The following ATG7 variants were observed in gnomAD, a reference collection of about 807,000 sequenced individuals.
ATG7 encodes the protein ubiquitin-like modifier-activating enzyme ATG7.
ATG7 carries 70 observed loss-of-function variants against 82.4 expected under a neutral mutation model. That is an observed-to-expected ratio of 0.85 (90% CI 0.70 to 1.04). The LOEUF (loss-of-function observed/expected upper bound fraction) is 1.04. Ranked by LOEUF, ATG7 falls within the 50% of genes least tolerant of loss-of-function variation. ATG7 has a pLI of 0.00. For synonymous variants in ATG7, 287 were observed against 313.0 expected (o/e 0.92, Z 0.88); for missense variants, 792 against 864.3 (o/e 0.92, Z 1.05).
rs1303556859 is a variant in ATG7, at chr3:11,409,716, G to A, written c.1957-17088G>A. On this transcript the variant is annotated intron_variant, in intron 19 of 20. Coordinates refer to ENST00000693202, the MANE Select transcript of ATG7 (RefSeq NM_001349232.2). ...TAGTTTTGTGTTTTATATGTAGGTA[G>A]GTCTGTGATACATTTTGAGTTATTT... 2.0e-5 allele frequency among the ~76,000 whole-genome samples: 3 copies of A among 151,580 alleles called. No individual in the cohort carries two copies. The East Asian group carries it at 5.8e-4, about 29-fold the overall frequency.
At chr3:11,312,533 A>G (rs887029603) in intron 7 of ATG7, among the ~76,000 whole-genome samples, 1 of 152,132 alleles carries the variant, frequency 6.6e-6, no homozygotes, top group Non-Finnish European at 1.5e-5. Flanking sequence ...GAGCCTCTCC[A>G]TGGCTCTAAT....
chr3:11,481,248 G>A (rs1345136083), intron 20 of ATG7, among the ~76,000 whole-genome samples: 1 of 152,200 alleles, frequency 6.6e-6, no homozygotes. Context: ...TGGTGGTGAC[G>A]GTTGCACAAC....
intron 1 of ATG7, among the ~76,000 whole-genome samples, chr3:11,273,468 A>G (rs889219548): frequency 6.6e-6 from 1 of 152,164 alleles, no homozygotes; most frequent in African/African-American, 2.4e-5. Flanking sequence ...TAATTGCCCT[A>G]TACATCATTG....
chr3:11,417,242 C>G (rs2081445646), intron 19 of ATG7, among the ~76,000 whole-genome samples: 1 of 152,184 alleles, frequency 6.6e-6, no homozygotes, highest in Non-Finnish European at 1.5e-5. Flanking sequence ...CTTCTGTCTG[C>G]TGGATCTTTC....
At chr3:11,451,827 GTCTCTCTCTATCTC>G (rs2085182958) in intron 20 of ATG7, among the ~76,000 whole-genome samples, 1 of 108,198 alleles carries the variant, frequency 9.2e-6, no homozygotes, top group Non-Finnish European at 1.9e-5. Flanking sequence ...AGGCTGCCCT[GTCTCTCTCTATCTC>G]TCTCTCTATA....
At chr3:11,489,501 T>C (rs1177666567) in intron 20 of ATG7, among the ~76,000 whole-genome samples, 1 of 127,858 alleles carries the variant, frequency 7.8e-6, no homozygotes, top group Non-Finnish European at 1.7e-5. Context: ...TCTTTAGTTA[T>C]TTCTTGCCTT....
chr3:11,475,095 TAAG>T (rs1202377682), intron 20 of ATG7, among the ~76,000 whole-genome samples: 4 of 151,424 alleles, frequency 2.6e-5, no homozygotes, highest in Non-Finnish European at 5.9e-5. Flanking sequence ...GGAGTAGAAA[TAAG>T]AAGGTTTGGG....
chr3:11,407,821 A>C lies in ATG7; in HGVS notation c.1957-18983A>C, dbSNP rs528599694. On this transcript the variant is annotated intron_variant, in intron 19 of 20. Transcript: ENST00000693202. ...GGCACCAAGTCCTTAGGCTGTACAC[A>C]GCACAGGGACCCTGGGCTCAGCCCT... Among the ~76,000 whole-genome samples, 17 of 152,328 alleles carry C rather than the reference A, an allele frequency of 1.1e-4. 1 individual carries two copies. The South Asian group carries it at 3.5e-3, about 32-fold the overall frequency.
chr3:11,444,304 T>C (rs1287694347), intron 20 of ATG7, among the ~76,000 whole-genome samples: 1 of 152,206 alleles, frequency 6.6e-6, no homozygotes, highest in African/African-American at 2.4e-5. Flanking sequence ...TCTCTGGGTG[T>C]TTCTCAACCT....
At chr3:11,355,942 A>G (rs183197921) in intron 14 of ATG7, among the ~76,000 whole-genome samples, 10 of 152,366 alleles carry the variant, frequency 6.6e-5, no homozygotes, top group African/African-American at 2.2e-4. Context: ...CACCATCAAC[A>G]AGAGAATCGA....
the ATG7 span, among the ~76,000 whole-genome samples, chr3:11,565,222 G>C: frequency 6.6e-6 from 1 of 152,144 alleles, no homozygotes; most frequent in South Asian, 2.1e-4. This position sits in a 1 kb window ranked among gnomAD's most constrained non-coding sequence, Gnocchi z 4.1. Context: ...GCTGCTGCCA[G>C]CGGAGTCCAA....
At chr3:11,411,242 T>C (rs556395073) in intron 19 of ATG7, among the ~76,000 whole-genome samples, 1 of 152,338 alleles carries the variant, frequency 6.6e-6, no homozygotes, top group African/African-American at 2.4e-5. Context: ...TGTATATCTT[T>C]AGAGAAATGT....
the ATG7 span, among the ~76,000 whole-genome samples, chr3:11,563,343 T>C: frequency 6.6e-6 from 1 of 152,214 alleles, no homozygotes; most frequent in Admixed American, 6.5e-5. Context: ...CATGGCAGCA[T>C]TACAATGCCT....
intron 20 of ATG7, among the ~76,000 whole-genome samples, chr3:11,515,651 C>T (rs374348103): frequency 1.6e-4 from 25 of 152,286 alleles, no homozygotes; most frequent in African/African-American, 5.5e-4. Context: ...GTGGGCTGCA[C>T]GGCCACATGT....
intron 3 of ATG7, among the ~76,000 whole-genome samples, chr3:11,287,332 G>C (rs1482285973): frequency 1.3e-5 from 2 of 152,192 alleles, no homozygotes; most frequent in African/African-American, 4.8e-5. Flanking sequence ...TTCCTGAGCA[G>C]GTCACCTCTG....
At chr3:11,505,476 T>C (rs1303002512) in intron 20 of ATG7, among the ~76,000 whole-genome samples, 1 of 152,232 alleles carries the variant, frequency 6.6e-6, no homozygotes, top group East Asian at 1.9e-4. Flanking sequence ...GGTTATTGTT[T>C]TAACATAACA....
intron 20 of ATG7, among the ~76,000 whole-genome samples, chr3:11,438,800 G>A (rs1446269130): frequency 6.6e-6 from 1 of 152,138 alleles, no homozygotes; most frequent in African/African-American, 2.4e-5. Context: ...TTGGAGATCA[G>A]GAAGTGGAGA....
the ATG7 span, among the ~76,000 whole-genome samples, chr3:11,574,370 T>G: frequency 6.6e-6 from 1 of 152,178 alleles, no homozygotes; most frequent in Non-Finnish European, 1.5e-5. Context: ...CCTGTATGCC[T>G]GTCATCCTGA....
rs570385557 is a variant in ATG7, at chr3:11,372,031, G to A, written c.1875+7297G>A. On this transcript the variant is annotated intron_variant, in intron 18 of 20. Transcript: ENST00000693202. ...CCTATTCTGATGCTTTTTGCATGCT[G>A]TCTGCCGTGTTTTCATTCCCCACGG... is the stretch of plus-strand genomic sequence containing the variant. Among the ~76,000 whole-genome samples the A allele has an allele frequency of 3.3e-5, 5 of 151,554 alleles. 1 individual carries two copies. The highest frequency in any genetic ancestry group is 1.2e-4 in the African/African-American group (5 of 41,190).
Sources: gnomAD v4.1 joint callset for allele counts (sites outside exome capture counted in the v4.1 genomes callset) on GRCh38, gnomAD v4.1.1 for gene constraint, Gnocchi (gnomAD v3.1) non-coding constraint, MANE v1.5 for transcripts, NCBI Gene and HGNC (gene_info 2026-07-23, HGNC 2026-07-21) for gene names.